PLLP: variants seen among roughly 807,000 people sequenced by gnomAD.
PLLP encodes plasmolipin, also known as plasma membrane proteolipid (plasmolipin).
In PLLP, 15 loss-of-function variants were observed where a neutral mutation model predicts 19.7. That is an observed-to-expected ratio of 0.76 (90% CI 0.51 to 1.17). The LOEUF is 1.17. Among genes scored for constraint, PLLP ranks in the 50% most tolerant of loss-of-function variants. The probability of loss-of-function intolerance (pLI) is 0.00; values close to 1 mark genes in which losing one functional copy is unlikely to be tolerated. For synonymous variants in PLLP, 111 were observed against 116.3 expected (o/e 0.95, Z 0.29); for missense variants, 255 against 258.3 (o/e 0.99, Z 0.09).
intron 2 of PLLP, among the ~76,000 whole-genome samples, chr16:57,261,616 G>T (rs941084236): frequency 1.3e-5 from 2 of 152,140 alleles, no homozygotes; most frequent in African/African-American, 4.8e-5. Flanking sequence ...AGCTACTGGG[G>T]AGGCTGAGAT....
At chr16:57,270,397 C>A (rs932831797) in intron 1 of PLLP, among the ~76,000 whole-genome samples, 28 of 150,578 alleles carry the variant, frequency 1.9e-4, no homozygotes, top group Non-Finnish European at 4.4e-5. Flanking sequence ...TGAGTGCTTC[C>A]CAGGTCCCCG....
At chr16:57,275,641 C>CAAAAAAAAA (rs57139241) in intron 1 of PLLP, among the ~76,000 whole-genome samples, 4 of 41,384 alleles carry the variant, frequency 9.7e-5, no homozygotes, top group African/African-American at 1.0e-4. Flanking sequence ...TTTTGCAAGG[C>CAAAAAAAAA]AAAAAAAAAA....
chr16:57,257,022 G>C lies in PLLP; in HGVS notation c.440C>G (p.Ala147Gly). The change falls in exon 4 of 4, where the codon GCG becomes GGG. Residue 147 changes from alanine (A) to glycine (G), a missense_variant. Coordinates refer to ENST00000219207, the MANE Select transcript of PLLP (RefSeq NM_015993.3). ...YNQRAAASFF[A>G]CLVMIAYGVS... is the part of the protein sequence containing the mutation. Reference sequence around the variant, plus strand: ...TCCATAGGCGATCATCACCAAACACGCAAAGAACTGAAAGAGAGGTGAGAA... The same window carrying C: ...TCCATAGGCGATCATCACCAAACACCCAAAGAACTGAAAGAGAGGTGAGAA... The C allele has an allele frequency of 6.2e-7, 1 of 1,610,494 alleles. No homozygotes were observed. The highest frequency in any genetic ancestry group is 8.5e-7 in the Non-Finnish European group (1 of 1,176,870).
rs187603370 is a variant in PLLP, at chr16:57,271,597, A to G, written c.136-9527T>C. 1.8e-4 allele frequency among the ~76,000 whole-genome samples: 28 copies of G among 152,192 alleles called. No individual in the cohort carries two copies. The East Asian group carries it at 5.0e-3, about 27-fold the overall frequency. ...AAGGCAGAGGTTACAGTGAGCCAAG[A>G]TGGCACCATTGCACTCCAGCCTGGG... is the stretch of plus-strand genomic sequence containing the variant. On this transcript the variant is annotated intron_variant, in intron 1 of 3. Transcript: ENST00000219207.
intron 1 of PLLP, among the ~76,000 whole-genome samples, chr16:57,279,362 CTTT>C (rs796106110): frequency 1.5e-5 from 2 of 134,194 alleles, no homozygotes; most frequent in African/African-American, 3.2e-5. Context: ...CTTCTTCTTC[CTTT>C]TTTTTTTTTT....
intron 1 of PLLP, among the ~76,000 whole-genome samples, chr16:57,269,909 G>C (rs996934384): frequency 5.3e-5 from 8 of 152,082 alleles, no homozygotes; most frequent in Admixed American, 2.6e-4. Flanking sequence ...GGGATTACAG[G>C]TGCGTGCCAC....
intron 1 of PLLP, among the ~76,000 whole-genome samples, chr16:57,282,562 G>A (rs945610548): frequency 1.3e-5 from 2 of 151,972 alleles, no homozygotes; most frequent in Non-Finnish European, 2.9e-5. Context: ...CAGGGATCTT[G>A]CCAGTCATCA....
chr16:57,258,446 T>C lies in PLLP; in HGVS notation c.432+16A>G, dbSNP rs1170966152. 2.5e-6 allele frequency: 4 copies of C among 1,606,612 alleles called. No individual in the cohort carries two copies. In the African/African-American group the frequency reaches 4.0e-5, roughly 16 times the overall value. On this transcript the variant is annotated intron_variant, in intron 3 of 3. Transcript: ENST00000219207. ...GACCCTGCAGACCACCAAGGGAGCCTGGGAAGCAGACTCACCGAGGCAGCC... is the reference window on the plus strand; with the variant it reads ...GACCCTGCAGACCACCAAGGGAGCCCGGGAAGCAGACTCACCGAGGCAGCC...
At position 57,256,923 on chromosome 16, in the gene PLLP, C is replaced by A. The variant is rs1464982417; in HGVS notation, c.539G>T (p.Gly180Val). 6.2e-7 allele frequency: 1 copy of A among 1,610,852 alleles called. No homozygotes were observed. Among genetic ancestry groups the A allele is most frequent in the Admixed American group, 1.7e-5 (1 of 60,018 alleles). The change falls in exon 4 of 4, where the codon GGC becomes GTC. Residue 180 changes from glycine to valine, a missense_variant. By Grantham distance (109) the Gly-to-Val change is moderately radical. Transcript: ENST00000219207. ...CGTGGCACAGGTGGTTTAGGCATAG[C>A]CGCCAGCCATCTGACTGGTGGCCGC... ...SNAATSQMAG[G>V]YA
intron 1 of PLLP, among the ~76,000 whole-genome samples, chr16:57,274,653 A>G (rs1901126030): frequency 6.7e-6 from 1 of 148,962 alleles, no homozygotes. Flanking sequence ...AGGTCTCACC[A>G]TGTTGGCCAG....
intron 1 of PLLP, among the ~76,000 whole-genome samples, chr16:57,267,301 G>A (rs1231643005): frequency 6.6e-6 from 1 of 152,220 alleles, no homozygotes; most frequent in Non-Finnish European, 1.5e-5. Flanking sequence ...AGGCGCAGTG[G>A]CTCATACCTG....
chr16:57,284,363 C>T (rs1360355203), intron 1 of PLLP, 43 bp downstream of exon 1: 16 of 1,330,134 alleles, frequency 1.2e-5, no homozygotes, highest in African/African-American at 1.5e-5. Context: ...CTGGCCGGAC[C>T]GGGAGCCCCC....
intron 1 of PLLP, among the ~76,000 whole-genome samples, chr16:57,280,204 G>A (rs886514094): frequency 5.9e-5 from 9 of 152,306 alleles, no homozygotes; most frequent in African/African-American, 2.2e-4. Context: ...GCTAGAGCCA[G>A]GTTTTGGATT....
chr16:57,259,675 T>G (rs149599129), intron 2 of PLLP, among the ~76,000 whole-genome samples: 79 of 152,310 alleles, frequency 5.2e-4, no homozygotes, highest in Non-Finnish European at 9.3e-4. Flanking sequence ...TGTAAAAATT[T>G]TATATTAAAA....
intron 1 of PLLP, among the ~76,000 whole-genome samples, chr16:57,272,869 A>C (rs1489048543): frequency 6.6e-6 from 1 of 151,988 alleles, no homozygotes; most frequent in African/African-American, 2.4e-5. Flanking sequence ...AGGCGGGAGG[A>C]TCATGTGAGC....
intron 1 of PLLP, among the ~76,000 whole-genome samples, chr16:57,271,881 G>C (rs918974345): frequency 1.3e-5 from 2 of 151,944 alleles, no homozygotes; most frequent in East Asian, 1.9e-4. Flanking sequence ...GAAACTCAGA[G>C]CTCCCTGCCT....
intron 1 of PLLP, among the ~76,000 whole-genome samples, chr16:57,281,787 A>G (rs1032506698): frequency 1.3e-5 from 2 of 152,096 alleles, no homozygotes; most frequent in African/African-American, 4.8e-5. Context: ...CTGGGATTAC[A>G]GGCGTGAGCC....
In PLLP at chr16:57,276,769, G is replaced by A. The variant is rs187847132; in HGVS notation, c.135+7637C>T. Among the ~76,000 whole-genome samples the A allele has an allele frequency of 2.4e-4, 36 of 152,168 alleles. No homozygotes were observed. In the East Asian group the frequency reaches 4.2e-3, roughly 18 times the overall value. On this transcript the variant is annotated intron_variant, in intron 1 of 3. Coordinates refer to ENST00000219207, the MANE Select transcript of PLLP (RefSeq NM_015993.3). ...CAGGCAGGAAGGGTGTGACCTCTCC[G>A]GAAGGCATTTGGCAATCTACATCAC...
At chr16:57,276,180 G>C (rs149795552) in intron 1 of PLLP, among the ~76,000 whole-genome samples, 142 of 152,348 alleles carry the variant, frequency 9.3e-4, no homozygotes, top group African/African-American at 2.5e-3. Flanking sequence ...AAATAGGCTA[G>C]GTTTGGTGGC....
Sources: gnomAD v4.1 joint callset for allele counts (sites outside exome capture counted in the v4.1 genomes callset) on GRCh38, gnomAD v4.1.1 for gene constraint, MANE v1.5 for transcripts, NCBI Gene and HGNC (gene_info 2026-07-23, HGNC 2026-07-21) for gene names.